The following TMEM131L variants were observed in gnomAD, a reference collection of about 807,000 sequenced individuals.
TMEM131L encodes the protein transmembrane protein 131-like.
In TMEM131L, 54 loss-of-function variants were observed where a neutral mutation model predicts 192.2. That is an observed-to-expected ratio of 0.28 (90% CI 0.23 to 0.35). The LOEUF is 0.35. Among genes scored for constraint, TMEM131L ranks in the 10% least tolerant of loss-of-function variants. The pLI is 1.00. For synonymous variants in TMEM131L, 701 were observed against 704.9 expected (o/e 0.99, Z 0.09); for missense variants, 1,888 against 1,972.9 (o/e 0.96, Z 0.82).
chr4:153,494,634 G>A (rs1561129739), intron 3 of TMEM131L, among the ~76,000 whole-genome samples: 3 of 152,170 alleles, frequency 2.0e-5, no homozygotes, highest in South Asian at 4.1e-4. Flanking sequence ...ACCGTGAACC[G>A]AGGAAAGCCC....
intron 3 of TMEM131L, among the ~76,000 whole-genome samples, chr4:153,479,464 T>G (rs893311171): frequency 3.9e-5 from 6 of 152,214 alleles, no homozygotes; most frequent in African/African-American, 1.4e-4. Context: ...TAGAACTGAA[T>G]GCCCTGGGAA....
At chr4:153,562,304 G>A (rs1728899581) in intron 7 of TMEM131L, among the ~76,000 whole-genome samples, 2 of 152,000 alleles carry the variant, frequency 1.3e-5, no homozygotes, top group Admixed American at 1.3e-4. Flanking sequence ...CTAAAGTGCT[G>A]GAATTACAGG....
At position 153,466,465 on chromosome 4, in the gene TMEM131L, T is replaced by A; in HGVS notation, c.68T>A (p.Leu23Gln). 1 of 1,426,560 alleles carries A rather than the reference T, an allele frequency of 7.0e-7. No homozygotes were observed. The highest frequency in any genetic ancestry group is 9.2e-7 in the Non-Finnish European group (1 of 1,082,628). The allele number at this position is 1,426,560 out of a possible 1,614,324, so 88.4% of individuals were successfully genotyped here. Reference protein sequence around the residue: ...CRTAAAVNLLLGVFQVLLPCC... With the variant: ...CRTAAAVNLLQGVFQVLLPCC... Reference sequence around the variant, plus strand: ...ACCGCGGCGGCCGTGAACCTCCTGCTGGGCGTCTTCCAGGTCCTGCTGCCC... The same window carrying A: ...ACCGCGGCGGCCGTGAACCTCCTGCAGGGCGTCTTCCAGGTCCTGCTGCCC... The change falls in exon 1 of 35, where the codon CTG becomes CAG. Residue 23 changes from leucine to glutamine, a missense_variant. By Grantham distance (113) the Leu-to-Gln change is moderately radical. Coordinates refer to ENST00000409959, the MANE Select transcript of TMEM131L (RefSeq NM_001131007.2).
chr4:153,585,210 G>A (rs1020211917), intron 12 of TMEM131L, among the ~76,000 whole-genome samples: 15 of 152,342 alleles, frequency 9.8e-5, no homozygotes, highest in Middle Eastern at 3.4e-3. Flanking sequence ...TTGGCTTCAG[G>A]TTCTGGTTTG....
At chr4:153,587,269 C>T (rs1293491497) in intron 14 of TMEM131L, among the ~76,000 whole-genome samples, 3 of 151,742 alleles carry the variant, frequency 2.0e-5, no homozygotes, top group African/African-American at 7.3e-5. Flanking sequence ...ATTAAATGTC[C>T]TGAATAGCTA....
intron 3 of TMEM131L, among the ~76,000 whole-genome samples, chr4:153,510,765 C>T (rs1386295738): frequency 1.3e-5 from 2 of 151,952 alleles, no homozygotes; most frequent in Non-Finnish European, 2.9e-5. Flanking sequence ...GCCTGTAGTT[C>T]CAGCTACTTG....
intron 2 of TMEM131L, among the ~76,000 whole-genome samples, chr4:153,468,027 G>C (rs758355872): frequency 5.9e-5 from 9 of 152,112 alleles, no homozygotes; most frequent in Non-Finnish European, 1.2e-4. Context: ...TTTTTGGGTG[G>C]GAGTGGCTTG....
chr4:153,623,202 C>CCTTGACCTTTGCTTTGGA (rs1405026432), intron 29 of TMEM131L, 119 bp downstream of exon 29: 8 of 882,422 alleles, frequency 9.1e-6, no homozygotes, highest in Non-Finnish European at 1.3e-5. Flanking sequence ...GGGACAGTGG[C>CCTTGACCTTTGCTTTGGA]CTTGACCTTT....
At chr4:153,631,472 A>G (rs1342819585) in intron 31 of TMEM131L, among the ~76,000 whole-genome samples, 1 of 152,166 alleles carries the variant, frequency 6.6e-6, no homozygotes, top group Admixed American at 6.5e-5. Flanking sequence ...ACAGCCCTAG[A>G]TGGATGCCAC....
At chr4:153,518,167 G>A (rs562211653) in intron 3 of TMEM131L, among the ~76,000 whole-genome samples, 3 of 152,154 alleles carry the variant, frequency 2.0e-5, no homozygotes, top group Admixed American at 6.5e-5. Flanking sequence ...AATTGAGGCC[G>A]AGGTCAGTCA....
In TMEM131L at chr4:153,635,501, C is replaced by G. The variant is rs760829770; in HGVS notation, c.4487C>G (p.Ser1496Cys). Residue 1496 changes from serine to cysteine, a missense_variant, in exon 34 of 35, where the codon TCT becomes TGT. Physicochemically the swap from Ser to Cys is moderately radical, Grantham distance 112. Transcript: ENST00000409959. ...DVQTDFIDHN[S>C]QSTWNTPPNM... ...CAGACAGACTTTATTGATCACAACT[C>G]TCAGTCTACCTGGAACACCCCACCC... 15 of 1,613,996 alleles carry G rather than the reference C, an allele frequency of 9.3e-6. No individual in the cohort carries two copies. In the East Asian group the frequency reaches 3.3e-4, roughly 36 times the overall value.
intron 3 of TMEM131L, among the ~76,000 whole-genome samples, chr4:153,477,388 C>A (rs1430498290): frequency 6.6e-6 from 1 of 152,206 alleles, no homozygotes; most frequent in East Asian, 1.9e-4. Flanking sequence ...AGCTGTGTTG[C>A]ACGTGCCTTT....
chr4:153,511,562 G>A (rs1432424938), intron 3 of TMEM131L, among the ~76,000 whole-genome samples: 3 of 151,994 alleles, frequency 2.0e-5, no homozygotes, highest in Non-Finnish European at 2.9e-5. Flanking sequence ...TCTGTATATC[G>A]AACCCCCATG....
Position 153,596,286 on chromosome 4 carries a change from G to C in TMEM131L, c.2024G>C (p.Gly675Ala), listed in dbSNP as rs771497113. 5 of 1,613,804 alleles carry C rather than the reference G, an allele frequency of 3.1e-6. No individual in the cohort carries two copies. Among genetic ancestry groups the C allele is most frequent in the Non-Finnish European group, 4.2e-6 (5 of 1,179,788 alleles). Residue 675 changes from glycine (G) to alanine (A), a missense_variant, in exon 20 of 35, where the codon GGC (glycine) becomes GCC (alanine). By Grantham distance (60) the Gly-to-Ala change is moderately conservative. Coordinates refer to ENST00000409959, the MANE Select transcript of TMEM131L (RefSeq NM_001131007.2). ...ACGCATTCTGAGGAATCCAGGTTTG[G>C]CATCCTCCACTTACATCTGCAGCCT... ...LGTHSEESRF[G>A]ILHLHLQPLE...
At chr4:153,521,256 T>A (rs1735090368) in intron 3 of TMEM131L, among the ~76,000 whole-genome samples, 1 of 152,102 alleles carries the variant, frequency 6.6e-6, no homozygotes, top group African/African-American at 2.4e-5. Context: ...TCAGGGATAA[T>A]GGTGCTGATA....
intron 25 of TMEM131L, among the ~76,000 whole-genome samples, chr4:153,606,888 C>T (rs1213231812): frequency 6.6e-6 from 1 of 152,168 alleles, no homozygotes; most frequent in Middle Eastern, 3.2e-3. Context: ...CAGTCCTCTA[C>T]GTGTCTGCAG....
rs1270928002 is a variant in TMEM131L at position 153,585,340 on chromosome 4, G to A, written c.1158-118G>A. 9.9e-6 allele frequency: 10 copies of A among 1,015,086 alleles called. No homozygotes were observed. The East Asian group carries it at 1.5e-4, about 15-fold the overall frequency. 62.9% of individuals were successfully genotyped at this position (1,015,086 alleles called of 1,614,324 possible). ...GGCGATTGCCGAGGTTGTCTCTGGC[G>A]CTAGCTTTCATTTAGTAACGTTTTA... On this transcript the variant is annotated intron_variant, in intron 12 of 34. Transcript: ENST00000409959.
chr4:153,535,031 G>T (rs1223016532), intron 3 of TMEM131L, among the ~76,000 whole-genome samples: 8 of 152,184 alleles, frequency 5.3e-5, no homozygotes, highest in Admixed American at 5.2e-4. Flanking sequence ...GGTTTAAAGA[G>T]GCCATGCTGG....
At chr4:153,584,175 G>T (rs138177063) in intron 11 of TMEM131L, among the ~76,000 whole-genome samples, 1 of 152,294 alleles carries the variant, frequency 6.6e-6, no homozygotes, top group South Asian at 2.1e-4. Context: ...GGACAGCGAT[G>T]CGAGCAGTGT....
Sources: allele counts gnomAD v4.1 joint callset (sites outside exome capture counted in the v4.1 genomes callset), GRCh38; gene constraint gnomAD v4.1.1; transcripts MANE v1.5; gene names NCBI Gene and HGNC (gene_info 2026-07-23, HGNC 2026-07-21).